Variants in CSMD1 observed in about 807,000 individuals in gnomAD.
The protein encoded by CSMD1 is CUB and sushi domain-containing protein 1.
A neutral mutation model predicts 417.5 loss-of-function variants in CSMD1; 213 were observed. The observed-to-expected ratio is 0.51, with a 90% CI of 0.46 to 0.57. The LOEUF (loss-of-function observed/expected upper bound fraction) is 0.57. CSMD1 is among the 20% of genes least tolerant of loss of function. The pLI is 0.00. For missense variants in CSMD1, 6,923 were observed against 4,529.7 expected, an observed-to-expected ratio of 1.53 and a Z score of -15.17; for synonymous variants, 2,862 against 1,736.8, an observed-to-expected ratio of 1.65 and a Z score of -16.11.
At chr8:3,787,470 A>C (rs77275662) in intron 5 of CSMD1, among the ~76,000 whole-genome samples, 2,013 of 152,234 alleles carry the variant, frequency 0.013, 26 homozygotes, top group Middle Eastern at 0.02. Context: ...GTGAAAAACA[A>C]AGTAGTGATT....
At chr8:3,129,001 A>G in intron 41 of CSMD1, 1 of 360,666 alleles carries the variant, frequency 2.8e-6, no homozygotes, top group Non-Finnish European at 5.4e-6. Flanking sequence ...GTGTGAAGCA[A>G]ATAAAACACT....
chr8:4,621,781 A>T (rs1416193473), intron 2 of CSMD1, among the ~76,000 whole-genome samples: 2 of 152,144 alleles, frequency 1.3e-5, no homozygotes, highest in African/African-American at 2.4e-5. Context: ...TTTTAAATGA[A>T]CTACTGTAAG....
intron 1 of CSMD1, among the ~76,000 whole-genome samples, chr8:4,948,701 C>T (rs1297298512): frequency 6.6e-6 from 1 of 151,940 alleles, no homozygotes; most frequent in Non-Finnish European, 1.5e-5. Flanking sequence ...TGTGTATAAT[C>T]TTTTGAATTT....
chr8:4,637,432 T>A lies in CSMD1; in HGVS notation c.212A>T (p.Gln71Leu). 1 of 1,613,846 alleles carries A rather than the reference T, an allele frequency of 6.2e-7. No individual in the cohort carries two copies. Among genetic ancestry groups the A allele is most frequent in the Non-Finnish European group, 8.5e-7 (1 of 1,179,872 alleles). Residue 71 changes from glutamine to leucine, a missense_variant, in exon 2 of 70, where the codon CAG becomes CTG. Gln to Leu is a moderately radical substitution (Grantham distance 113). Transcript: ENST00000635120. Reference protein sequence around the residue: ...IIITGERNRIQLSFHTFALEE... With the variant: ...IIITGERNRILLSFHTFALEE... ...AAGAGCAAAGGTATGGAAGGACAAC[T>A]GTATCCTATTGCGCTCGCCCGTGAT...
chr8:3,521,518 TGCCTG>T (rs1563117502), intron 10 of CSMD1, among the ~76,000 whole-genome samples: 1 of 152,112 alleles, frequency 6.6e-6, no homozygotes, highest in Non-Finnish European at 1.5e-5. Context: ...TACAATGATC[TGCCTG>T]AGTATCTTAT....
intron 27 of CSMD1, among the ~76,000 whole-genome samples, chr8:3,228,303 T>C (rs905715290): frequency 6.6e-6 from 1 of 152,244 alleles, no homozygotes; most frequent in Admixed American, 6.5e-5. Flanking sequence ...CTAATTATAA[T>C]TAACTCATGC....
rs1025534259 is a variant in CSMD1 at position 4,475,038 on chromosome 8, G to C, written c.303-54973C>G. 2.0e-5 allele frequency among the ~76,000 whole-genome samples: 3 copies of C among 152,132 alleles called. No individual in the cohort carries two copies. In the East Asian group the frequency reaches 5.8e-4, roughly 29 times the overall value. On this transcript the variant is annotated intron_variant, in intron 2 of 69. Transcript: ENST00000635120. The stretch of plus-strand genomic sequence containing the variant: ...ATGTGGATTTTTCAATGCATAAGGG[G>C]TCAGTGTCCTAACCTCTGTGTTATT...
intron 2 of CSMD1, among the ~76,000 whole-genome samples, chr8:4,540,756 C>T (rs1191234371): frequency 6.6e-6 from 1 of 152,116 alleles, no homozygotes; most frequent in Non-Finnish European, 1.5e-5. Context: ...GGGCTGTCCA[C>T]TTACCTTAAT....
chr8:3,820,825 C>G (rs1301530023), intron 5 of CSMD1, among the ~76,000 whole-genome samples: 1 of 152,158 alleles, frequency 6.6e-6, no homozygotes, highest in Non-Finnish European at 1.5e-5. Flanking sequence ...CTCAGGTGAT[C>G]TGCTGACCTC....
chr8:4,243,238 G>T (rs574433699), intron 3 of CSMD1, among the ~76,000 whole-genome samples: 40 of 152,258 alleles, frequency 2.6e-4, no homozygotes, highest in African/African-American at 8.7e-4. Flanking sequence ...CAGGAAAGGG[G>T]AGATCACCAG....
chr8:4,365,035 C>A (rs896562535), intron 3 of CSMD1, among the ~76,000 whole-genome samples: 22 of 152,010 alleles, frequency 1.4e-4, no homozygotes, highest in African/African-American at 3.9e-4. Context: ...GAAATATGTT[C>A]TCTTTCAATT....
At chr8:3,648,506 G>C (rs1315572949) in intron 7 of CSMD1, among the ~76,000 whole-genome samples, 2 of 152,112 alleles carry the variant, frequency 1.3e-5, no homozygotes, top group Non-Finnish European at 2.9e-5. Flanking sequence ...CTGAGATTTT[G>C]GACCTGTTGA....
chr8:4,568,292 C>T (rs908704517), intron 2 of CSMD1, among the ~76,000 whole-genome samples: 16 of 152,240 alleles, frequency 1.1e-4, no homozygotes, highest in Admixed American at 1.3e-4. Flanking sequence ...TACCCCACCA[C>T]CCGAAAGGCC....
rs554905856 is a variant in CSMD1, at chr8:3,403,217, G to C, written c.2266+2810C>G. Among the ~76,000 whole-genome samples, 114 of 152,292 alleles carry C rather than the reference G, an allele frequency of 7.5e-4. 1 individual carries two copies. The highest frequency in any genetic ancestry group is 2.6e-3 in the African/African-American group (107 of 41,566). On this transcript the variant is annotated intron_variant, in intron 15 of 69. Coordinates refer to ENST00000635120, the MANE Select transcript of CSMD1 (RefSeq NM_033225.6). ...ACTTTTCAAGAAAAACAATAAATAA[G>C]AGTATTCTGTAAGGGATGTGAGCTT...
chr8:3,400,870 G>A (rs1459626544), intron 15 of CSMD1, among the ~76,000 whole-genome samples: 1 of 151,008 alleles, frequency 6.6e-6, no homozygotes, highest in East Asian at 1.9e-4. Context: ...GCATTATTCT[G>A]TAGTTTAAAA....
intron 1 of CSMD1, among the ~76,000 whole-genome samples, chr8:4,739,792 C>G (rs932485535): frequency 6.6e-6 from 1 of 152,148 alleles, no homozygotes; most frequent in African/African-American, 2.4e-5. Flanking sequence ...AGTCCTTTTT[C>G]TTACCTGCTG....
chr8:3,378,428 T>C (rs1472973917), intron 18 of CSMD1, among the ~76,000 whole-genome samples: 1 of 151,984 alleles, frequency 6.6e-6, no homozygotes, highest in Non-Finnish European at 1.5e-5. Context: ...TACCAAAACC[T>C]GGCAAAGGCA....
chr8:3,769,870 G>C (rs532099560), intron 5 of CSMD1, among the ~76,000 whole-genome samples: 2 of 152,204 alleles, frequency 1.3e-5, no homozygotes, highest in Admixed American at 6.5e-5. Context: ...AAAAACGTAT[G>C]TGTCAGAAGG....
chr8:3,885,917 A>T (rs1806533175), intron 5 of CSMD1, among the ~76,000 whole-genome samples: 1 of 152,204 alleles, frequency 6.6e-6, no homozygotes, highest in Non-Finnish European at 1.5e-5. Context: ...TAATCTGTGA[A>T]TAAATATAAA....
Sources: gnomAD v4.1 joint callset for allele counts (sites outside exome capture counted in the v4.1 genomes callset) on GRCh38, gnomAD v4.1.1 for gene constraint, MANE v1.5 for transcripts, NCBI Gene and HGNC (gene_info 2026-07-23, HGNC 2026-07-21) for gene names.